The following EDRF1 variants were observed in gnomAD, a reference collection of about 807,000 sequenced individuals.
EDRF1 encodes the protein erythroid differentiation regulatory factor 1.
EDRF1 carries 69 observed loss-of-function variants against 148.7 expected under a neutral mutation model. The ratio of observed to expected loss-of-function variants is 0.46; its 90% CI spans 0.38 to 0.57. The LOEUF (loss-of-function observed/expected upper bound fraction) is 0.57, where lower values mean the gene tolerates loss of function less well. EDRF1 is among the 20% of genes least tolerant of loss of function. The probability of loss-of-function intolerance (pLI) is 0.00; values close to 1 mark genes in which losing one functional copy is unlikely to be tolerated. For missense variants in EDRF1, 1,118 were observed against 1,478.7 expected (o/e 0.76, Z 4.00); for synonymous variants, 515 against 532.8 (o/e 0.97, Z 0.46).
chr10:125,741,498 C>T (rs766759373), intron 17 of EDRF1: 3 of 399,578 alleles, frequency 7.5e-6, no homozygotes, highest in Middle Eastern at 4.5e-4. Context: ...ACCTTGGCCT[C>T]CCAAGGTGCT....
At position 125,733,615 on chromosome 10, in the gene EDRF1, T is replaced by G. The variant is rs577151922; in HGVS notation, c.1277-20T>G. 7.4e-6 allele frequency: 12 copies of G among 1,612,264 alleles called. No individual in the cohort carries two copies. Among genetic ancestry groups the G allele is most frequent in the South Asian group, 6.6e-5 (6 of 91,044 alleles). ...TTGGGTAACTGCTGTGAAATGAGTC[T>G]TCTTTGTTTTTCTTTTCAGCAAGTG... On this transcript the variant is annotated intron_variant, in intron 10 of 24. Transcript: ENST00000356792.
At chr10:125,720,728 G>A (rs965896652) in intron 1 of EDRF1, among the ~76,000 whole-genome samples, 2 of 151,228 alleles carry the variant, frequency 1.3e-5, no homozygotes, top group Non-Finnish European at 2.9e-5. Context: ...GGAGAATGGC[G>A]TAAACCCCAG....
intron 16 of EDRF1, 53 bp from the exon 17 acceptor site, chr10:125,740,948 A>G (rs1848987598): frequency 9.7e-6 from 15 of 1,548,312 alleles, no homozygotes; most frequent in Non-Finnish European, 1.2e-5. Flanking sequence ...TCCTATGATC[A>G]TTAATTTTTT....
At chr10:125,724,954 G>T (rs997605942) in intron 4 of EDRF1, among the ~76,000 whole-genome samples, 18 of 152,192 alleles carry the variant, frequency 1.2e-4, no homozygotes, top group Non-Finnish European at 2.9e-5. Flanking sequence ...TAGGCACGGG[G>T]ATGTGACAGT....
chr10:125,732,020 C>T (rs944762609), intron 9 of EDRF1: 7 of 307,562 alleles, frequency 2.3e-5, no homozygotes, highest in Non-Finnish European at 4.3e-5. Context: ...TATATTCCAA[C>T]CCAGTGATTC....
chr10:125,732,074 A>G (rs1043947734), intron 9 of EDRF1: 3 of 258,978 alleles, frequency 1.2e-5, no homozygotes, highest in African/African-American at 6.6e-5. Context: ...CTCTGAAAAA[A>G]TGCACTTGCT....
chr10:125,747,932 C>T lies in EDRF1; in HGVS notation c.3043C>T (p.Arg1015Ter). The T allele has an allele frequency of 3.7e-6, 6 of 1,614,138 alleles. No homozygotes were observed. The highest frequency in any genetic ancestry group is 5.1e-6 in the Non-Finnish European group (6 of 1,179,998). Residue 1015 changes from arginine (R) to a stop codon, truncating the protein, a stop_gained, in exon 21 of 25, where the codon CGA (arginine) becomes TGA (stop). Coordinates refer to ENST00000356792, the MANE Select transcript of EDRF1 (RefSeq NM_001202438.2). LOFTEE classifies it high-confidence loss of function. ...CTGCGATGTGGATTCAGTGTCTGCT[C>T]GACAGCCCCTTTGTCAGTATCGAGC... The part of the protein sequence containing the change: ...KYCDVDSVSA[R>*]QPLCQYRAAT...
intron 2 of EDRF1, among the ~76,000 whole-genome samples, chr10:125,721,752 GAAAACCTT>G (rs745928271): frequency 4.1e-4 from 63 of 152,308 alleles, no homozygotes; most frequent in Non-Finnish European, 6.5e-4. Context: ...GCATGAGGAG[GAAAACCTT>G]GAACATTCCT....
chr10:125,719,801 C>A lies in EDRF1; in HGVS notation c.-7C>A, dbSNP rs376662103. Reference sequence around the variant, plus strand: ...CCCCGTCGTATCGCCTGCCCTGGATCGAAGTGATGGGGGATGCCAAGGAGG... The same window carrying A: ...CCCCGTCGTATCGCCTGCCCTGGATAGAAGTGATGGGGGATGCCAAGGAGG... On this transcript the variant is annotated 5_prime_UTR_variant, in exon 1 of 25. Transcript: ENST00000356792. 5.0e-6 allele frequency: 8 copies of A among 1,608,560 alleles called. No individual in the cohort carries two copies. The African/African-American group carries it at 9.4e-5, about 19-fold the overall frequency.
chr10:125,740,798 T>A lies in EDRF1; in HGVS notation c.2170+147T>A, dbSNP rs1848979702. On this transcript the variant is annotated intron_variant, in intron 16 of 24. Transcript: ENST00000356792. ...TTCCAATCCTGTGTGTGTTACCTTC[T>A]ATTTTAGTTTCTGCTCAGTGGTTTA... 5.4e-6 allele frequency: 6 copies of A among 1,115,644 alleles called. No individual in the cohort carries two copies. The East Asian group carries it at 1.5e-4, about 28-fold the overall frequency. The allele number at this position is 1,115,644 out of a possible 1,614,324, so 69.1% of individuals were successfully genotyped here. A position where few individuals can be genotyped will look rare whatever the true frequency, so the allele number is the denominator to read the frequency against.
intron 22 of EDRF1, among the ~76,000 whole-genome samples, chr10:125,750,160 A>C (rs1849567500): frequency 6.6e-6 from 1 of 152,136 alleles, no homozygotes; most frequent in Non-Finnish European, 1.5e-5. Context: ...AAACAAACAA[A>C]AAAAAAGATT....
At chr10:125,736,564 C>G (rs536409799) in intron 13 of EDRF1, among the ~76,000 whole-genome samples, 1 of 152,260 alleles carries the variant, frequency 6.6e-6, no homozygotes, top group South Asian at 2.1e-4. Context: ...TACAGATAAT[C>G]TCTTAATTTA....
intron 6 of EDRF1, 31 bp downstream of exon 6, chr10:125,725,869 C>T (rs779254290): frequency 6.2e-7 from 1 of 1,601,870 alleles, no homozygotes; most frequent in Non-Finnish European, 8.5e-7. Context: ...TCTAGAAACT[C>T]ACATAGGAAA....
At chr10:125,742,390 A>G in intron 17 of EDRF1, 2 of 1,167,132 alleles carry the variant, frequency 1.7e-6, no homozygotes, top group Non-Finnish European at 2.2e-6. Flanking sequence ...ATGCTCTTAA[A>G]TTGTTATACT....
At chr10:125,725,472 G>A (rs1000736586) in intron 5 of EDRF1, 30 bp downstream of exon 5, 2 of 1,612,542 alleles carry the variant, frequency 1.2e-6, no homozygotes, top group Middle Eastern at 1.7e-4. Context: ...TCTCTAAAGA[G>A]AAAAAGGGAA....
chr10:125,732,401 T>C (rs1848518366), intron 9 of EDRF1, among the ~76,000 whole-genome samples: 1 of 152,166 alleles, frequency 6.6e-6, no homozygotes, highest in Non-Finnish European at 1.5e-5. Flanking sequence ...TTTTGTCACA[T>C]GTTCAGTTTG....
chr10:125,737,612 G>T (rs763910328), intron 13 of EDRF1, among the ~76,000 whole-genome samples: 1 of 152,142 alleles, frequency 6.6e-6, no homozygotes, highest in Admixed American at 6.6e-5. Context: ...GGTGATACTT[G>T]TTATTTCTAA....
intron 15 of EDRF1, among the ~76,000 whole-genome samples, chr10:125,739,785 CT>C (rs1256199685): frequency 1.3e-5 from 2 of 152,194 alleles, no homozygotes; most frequent in Non-Finnish European, 2.9e-5. Context: ...GTTAATTACA[CT>C]TAACATATTT....
In EDRF1 at chr10:125,719,741, T is replaced by C. The variant is rs1847881593; in HGVS notation, c.-67T>C. On this transcript the variant is annotated 5_prime_UTR_variant, in exon 1 of 25. Coordinates refer to ENST00000356792, the MANE Select transcript of EDRF1 (RefSeq NM_001202438.2). ...GGAGCGTCTCTGGCGCTTACCCTGC[T>C]TTGGGCCTGCGTTGCTGCTGCTGCT... 2 of 1,334,316 alleles carry C rather than the reference T, an allele frequency of 1.5e-6. No individual in the cohort carries two copies. Among genetic ancestry groups the C allele is most frequent in the African/African-American group, 1.5e-5 (1 of 68,896 alleles). The allele number at this position is 1,334,316 out of a possible 1,614,324, so 82.7% of individuals were successfully genotyped here.
Sources: gnomAD v4.1 joint callset for allele counts (sites outside exome capture counted in the v4.1 genomes callset) on GRCh38, gnomAD v4.1.1 for gene constraint, MANE v1.5 for transcripts, NCBI Gene and HGNC (gene_info 2026-07-23, HGNC 2026-07-21) for gene names.